The following PARP11 variants were observed in gnomAD, a reference collection of about 807,000 sequenced individuals.
PARP11 encodes protein mono-ADP-ribosyltransferase PARP11.
PARP11 carries 31 observed loss-of-function variants against 42.9 expected under a neutral mutation model. That is an observed-to-expected ratio of 0.72 (90% CI 0.54 to 0.98). The LOEUF (loss-of-function observed/expected upper bound fraction) is 0.98. Among genes scored for constraint, PARP11 ranks in the 50% least tolerant of loss-of-function variants. The pLI, the probability that PARP11 is intolerant of heterozygous loss-of-function variation, is 0.00. For synonymous variants in PARP11, 137 were observed against 127.3 expected, an observed-to-expected ratio of 1.08 and a Z score of -0.51; for missense variants, 365 against 413.1, an observed-to-expected ratio of 0.88 and a Z score of 1.01.
At chr12:3,822,249 T>G in intron 4 of PARP11, 92 bp from the exon 5 acceptor site, 1 of 953,948 alleles carries the variant, frequency 1.0e-6, no homozygotes, top group Non-Finnish European at 1.6e-6. Flanking sequence ...ATTTTCATTT[T>G]CAGGGTATTG....
In PARP11 at chr12:3,812,000, C is replaced by CT. The variant is rs3214323; in HGVS notation, c.*122dup. 1.3e-6 allele frequency: 1 copy of CT among 762,884 alleles called. No individual in the cohort carries two copies. The highest frequency in any genetic ancestry group is 2.1e-5 in the South Asian group (1 of 46,748). 47.3% of individuals were successfully genotyped at this position (762,884 alleles called of 1,614,324 possible). On this transcript the variant is annotated 3_prime_UTR_variant, in exon 8 of 8. Transcript: ENST00000228820. The stretch of plus-strand genomic sequence containing the variant: ...AGTATGTCTTTTTATATGGAGGCCA[C>CT]TTTTTTTCATATCTGTTTCAAAAGT...
intron 1 of PARP11, chr12:3,872,447 A>G: frequency 1.1e-6 from 1 of 914,574 alleles, no homozygotes. Flanking sequence ...CCTACGTTGC[A>G]CTTTAAATAA....
chr12:3,811,794 C>G lies in PARP11; in HGVS notation c.*329G>C. Reference sequence around the variant, plus strand: ...GTCTATTTAAACTAAAATCATTTATCCTGATAACACACACGTAAACTTTAA... The same window carrying G: ...GTCTATTTAAACTAAAATCATTTATGCTGATAACACACACGTAAACTTTAA... On this transcript the variant is annotated 3_prime_UTR_variant, in exon 8 of 8. Coordinates refer to ENST00000228820, the MANE Select transcript of PARP11 (RefSeq NM_020367.6). The G allele has an allele frequency of 4.2e-6, 1 of 239,164 alleles. No individual in the cohort carries two copies. The highest frequency in any genetic ancestry group is 7.9e-6 in the Non-Finnish European group (1 of 126,324). 14.8% of individuals were successfully genotyped at this position (239,164 alleles called of 1,614,324 possible).
At chr12:3,812,948 G>A (rs1253521602) in intron 7 of PARP11, among the ~76,000 whole-genome samples, 3 of 152,072 alleles carry the variant, frequency 2.0e-5, no homozygotes, top group Non-Finnish European at 4.4e-5. Context: ...GATTACAGGC[G>A]CGTGCCACCA....
At chr12:3,856,697 G>A (rs1948196749) in intron 1 of PARP11, among the ~76,000 whole-genome samples, 1 of 152,174 alleles carries the variant, frequency 6.6e-6, no homozygotes, top group African/African-American at 2.4e-5. Flanking sequence ...TTCAACCATT[G>A]TGGAAGATGG....
chr12:3,828,471 C>A (rs1947573547), intron 3 of PARP11, among the ~76,000 whole-genome samples: 1 of 151,046 alleles, frequency 6.6e-6, no homozygotes, highest in Admixed American at 6.6e-5. Context: ...TTGCTTGAAC[C>A]CGGGAGGCGG....
At chr12:3,817,190 C>A (rs1415437232) in intron 6 of PARP11, among the ~76,000 whole-genome samples, 12 of 146,096 alleles carry the variant, frequency 8.2e-5, no homozygotes, top group Admixed American at 1.4e-4. Context: ...GATTCTGTCT[C>A]AAAAAAAAAA....
At chr12:3,844,337 G>T (rs1947955911) in intron 1 of PARP11, among the ~76,000 whole-genome samples, 1 of 152,220 alleles carries the variant, frequency 6.6e-6, no homozygotes, top group Non-Finnish European at 1.5e-5. Context: ...TAGAATAGTT[G>T]TTGAAGGTAC....
rs894099608 is a variant in PARP11 at position 3,814,905 on chromosome 12, G to A, written c.549-717C>T. On this transcript the variant is annotated intron_variant, in intron 6 of 7. Coordinates refer to ENST00000228820, the MANE Select transcript of PARP11 (RefSeq NM_020367.6). ...ATGTAAAAAGAATTTTGCAAAAAGAGATAGAGAACTCAAAATAATACTGTG... is the reference window on the plus strand; with the variant it reads ...ATGTAAAAAGAATTTTGCAAAAAGAAATAGAGAACTCAAAATAATACTGTG... The A allele has an allele frequency of 1.3e-4, 38 of 293,734 alleles. No homozygotes were observed. In the Admixed American group the frequency reaches 1.6e-3, roughly 12 times the overall value. 18.2% of individuals were successfully genotyped at this position (293,734 alleles called of 1,614,324 possible). A position where few individuals can be genotyped will look rare whatever the true frequency, so the allele number is the denominator to read the frequency against.
In PARP11 at chr12:3,869,505, T is replaced by C. The variant is rs181094949; in HGVS notation, c.18+3707A>G. On this transcript the variant is annotated intron_variant, in intron 1 of 7. Transcript: ENST00000228820. The stretch of plus-strand genomic sequence containing the variant: ...TCTGGTGCACTGTGTCCCAGCCACA[T>C]AGGCTTCTCTCTTTTTCTCAAGCAC... Among the ~76,000 whole-genome samples, 6 of 152,322 alleles carry C rather than the reference T, an allele frequency of 3.9e-5. No individual in the cohort carries two copies. The East Asian group carries it at 9.7e-4, about 25-fold the overall frequency.
chr12:3,867,543 C>T (rs532045986), intron 1 of PARP11, among the ~76,000 whole-genome samples: 1 of 152,292 alleles, frequency 6.6e-6, no homozygotes, highest in East Asian at 1.9e-4. Flanking sequence ...CGTGAACCTA[C>T]TACTTCAGGG....
At chr12:3,838,478 A>G (rs957927747) in intron 1 of PARP11, among the ~76,000 whole-genome samples, 7 of 152,196 alleles carry the variant, frequency 4.6e-5, no homozygotes, top group Non-Finnish European at 1.0e-4. Context: ...TTATAGCAAT[A>G]AACAGCTGTA....
rs144584425 is a variant in PARP11 at position 3,810,734 on chromosome 12, A to AAGAGAG, written c.*1388_*1389insCTCTCT. On this transcript the variant is annotated 3_prime_UTR_variant, in exon 8 of 8. Coordinates refer to ENST00000228820, the MANE Select transcript of PARP11 (RefSeq NM_020367.6). ...AGAAGAGAAGAGAAAGAGAAAGAGA[A>AAGAGAG]AGAGGAAGAGAAAAAGGAAGAGAGA... 6.6e-6 allele frequency: 1 copy of AAGAGAG among 150,880 alleles called. No homozygotes were observed. Among genetic ancestry groups the AAGAGAG allele is most frequent in the African/African-American group, 2.4e-5 (1 of 40,964 alleles). The allele number at this position is 150,880 out of a possible 1,614,324, so 9.3% of individuals were successfully genotyped here. A position where few individuals can be genotyped will look rare whatever the true frequency, so the allele number is the denominator to read the frequency against.
chr12:3,842,223 C>G, intron 1 of PARP11: 1 of 1,601,790 alleles, frequency 6.2e-7, no homozygotes, highest in Non-Finnish European at 8.6e-7. Context: ...TAGCAGAGTG[C>G]AAAGACCAAA....
At chr12:3,854,696 G>C (rs995921518) in intron 1 of PARP11, among the ~76,000 whole-genome samples, 5 of 152,046 alleles carry the variant, frequency 3.3e-5, no homozygotes, top group South Asian at 2.1e-4. Flanking sequence ...AATTCTACTA[G>C]AGGTACAAAG....
chr12:3,830,874 G>C (rs1383098995), intron 1 of PARP11, among the ~76,000 whole-genome samples: 4 of 152,162 alleles, frequency 2.6e-5, no homozygotes, highest in African/African-American at 7.2e-5. Context: ...GTCATATACT[G>C]TCTTATACTT....
chr12:3,822,758 T>C (rs1245369447), intron 4 of PARP11, among the ~76,000 whole-genome samples: 2 of 152,178 alleles, frequency 1.3e-5, no homozygotes, highest in African/African-American at 4.8e-5. Flanking sequence ...CCAAAATTTC[T>C]TTAAAATGTA....
intron 1 of PARP11, among the ~76,000 whole-genome samples, chr12:3,853,383 G>C (rs1007373297): frequency 6.6e-6 from 1 of 152,132 alleles, no homozygotes; most frequent in African/African-American, 2.4e-5. Flanking sequence ...CTGCATTCAG[G>C]AGACCCATCT....
intron 1 of PARP11, among the ~76,000 whole-genome samples, chr12:3,852,452 TG>T (rs1279136083): frequency 6.6e-6 from 1 of 152,170 alleles, no homozygotes; most frequent in African/African-American, 2.4e-5. Flanking sequence ...AATGACCTGA[TG>T]GAGCTGAAAA....
Sources: gnomAD v4.1 joint callset for allele counts (sites outside exome capture counted in the v4.1 genomes callset) on GRCh38, gnomAD v4.1.1 for gene constraint, MANE v1.5 for transcripts, NCBI Gene and HGNC (gene_info 2026-07-23, HGNC 2026-07-21) for gene names.